The following SKI variants were observed in gnomAD, a reference collection of about 807,000 sequenced individuals.
The protein encoded by SKI is SKI proto-oncogene, also known as ski oncogene.
SKI carries 23 observed loss-of-function variants against 59.3 expected under a neutral mutation model. The observed-to-expected ratio is 0.39, with a 90% CI of 0.28 to 0.55. The LOEUF is 0.55. Among genes scored for constraint, SKI ranks in the 20% least tolerant of loss-of-function variants. The pLI is 0.67. For missense variants in SKI, 1,017 were observed against 1,038.9 expected (o/e 0.98, Z 0.29); for synonymous variants, 673 against 488.6 (o/e 1.38, Z -4.98).
At chr1:2,293,805 C>T (rs1467422254) in intron 1 of SKI, among the ~76,000 whole-genome samples, 1 of 152,204 alleles carries the variant, frequency 6.6e-6, no homozygotes, top group Non-Finnish European at 1.5e-5. Flanking sequence ...CCCGCTTCTT[C>T]AGCTGGCACC....
chr1:2,291,223 G>T (rs1241922478), intron 1 of SKI, among the ~76,000 whole-genome samples: 1 of 152,254 alleles, frequency 6.6e-6, no homozygotes, highest in Non-Finnish European at 1.5e-5. Flanking sequence ...CGGAGGAAAA[G>T]AACGATACAT....
intron 1 of SKI, among the ~76,000 whole-genome samples, chr1:2,298,044 A>G (rs1328437433): frequency 6.6e-6 from 1 of 152,164 alleles, no homozygotes; most frequent in African/African-American, 2.4e-5. Context: ...TGGGCCGAGC[A>G]TCCATGCAGG....
At chr1:2,257,387 C>T (rs154970) in intron 1 of SKI, among the ~76,000 whole-genome samples, 2,202 of 152,366 alleles carry the variant, frequency 0.014, 43 homozygotes, top group African/African-American at 0.051. Context: ...CTTATGCAGA[C>T]GTGCGGGCCA....
chr1:2,293,308 C>T (rs1640207218), intron 1 of SKI, among the ~76,000 whole-genome samples: 1 of 152,144 alleles, frequency 6.6e-6, no homozygotes, highest in African/African-American at 2.4e-5. Context: ...GGGTGGCTGC[C>T]CTGTGTGCTC....
chr1:2,279,974 G>A (rs1193781084), intron 1 of SKI, among the ~76,000 whole-genome samples: 1 of 152,094 alleles, frequency 6.6e-6, no homozygotes, highest in East Asian at 1.9e-4. Context: ...GTTAAATTGG[G>A]CCCCACCCCC....
chr1:2,276,284 A>C (rs1569789394), intron 1 of SKI, among the ~76,000 whole-genome samples: 2 of 142,630 alleles, frequency 1.4e-5, no homozygotes, highest in African/African-American at 5.3e-5. Flanking sequence ...TGGCTACCCC[A>C]GGTGGCTCCA....
Position 2,297,720 on chromosome 1 carries a change from C to T in SKI, c.970-5258C>T, listed in dbSNP as rs370201582. 3.6e-3 allele frequency among the ~76,000 whole-genome samples: 548 copies of T among 152,388 alleles called. 2 individuals are homozygous for T. The highest frequency in any genetic ancestry group is 0.012 in the African/African-American group (518 of 41,600). ...CATCTGCGTCTGCAGGACTTCCCGG[C>T]CCTTGGCCGCACATTTCCCTCCAGT... On this transcript the variant is annotated intron_variant, in intron 1 of 6. Coordinates refer to ENST00000378536, the MANE Select transcript of SKI (RefSeq NM_003036.4).
chr1:2,251,068 G>C (rs574493405), intron 1 of SKI, among the ~76,000 whole-genome samples: 1 of 152,200 alleles, frequency 6.6e-6, no homozygotes, highest in African/African-American at 2.4e-5. Context: ...TGGTGAGTCT[G>C]CTTGTCTTAG....
At position 2,309,523 on chromosome 1, in the gene SKI, T is replaced by C. The variant is rs1450831734; in HGVS notation, c.*2758T>C. On this transcript the variant is annotated 3_prime_UTR_variant, in exon 7 of 7. Transcript: ENST00000378536. ...CTGGGTCCTTTTTCAGAAACTCTTT[T>C]CTTACCTGAGAGTTGTCTTGTTTTC... The C allele has an allele frequency of 6.6e-6, 1 of 152,160 alleles. No homozygotes were observed. Among genetic ancestry groups the C allele is most frequent in the Non-Finnish European group, 1.5e-5 (1 of 68,034 alleles). The allele number at this position is 152,160 out of a possible 1,614,324, so 9.4% of individuals were successfully genotyped here.
At position 2,303,418 on chromosome 1, in the gene SKI, A is replaced by G; in HGVS notation, c.1211+18A>G. 1 of 1,599,420 alleles carries G rather than the reference A, an allele frequency of 6.3e-7. No homozygotes were observed. The highest frequency in any genetic ancestry group is 8.6e-7 in the Non-Finnish European group (1 of 1,168,774). ...CGAGACAGGTGAGTGGGCGCCATTC[A>G]CAGGTGTTTCTGATCACGGGGGAGG... On this transcript the variant is annotated intron_variant, in intron 3 of 6. Transcript: ENST00000378536. This position sits in a 1 kb window ranked among gnomAD's most constrained non-coding sequence, Gnocchi z 5.6.
chr1:2,272,716 G>C (rs1205975427), intron 1 of SKI, among the ~76,000 whole-genome samples: 1 of 152,236 alleles, frequency 6.6e-6, no homozygotes, highest in Non-Finnish European at 1.5e-5. Flanking sequence ...AAAACTCCCT[G>C]TTGAGGCCTT....
At chr1:2,276,636 C>T (rs1283515449) in intron 1 of SKI, among the ~76,000 whole-genome samples, 1 of 152,240 alleles carries the variant, frequency 6.6e-6, no homozygotes, top group African/African-American at 2.4e-5. Context: ...TGGCAGGGCT[C>T]ACTGTGTGGG....
rs779029926 is a variant in SKI at position 2,303,152 on chromosome 1, TCTC to T, written c.1095+52_1095+54del. On this transcript the variant is annotated intron_variant, in intron 2 of 6. Coordinates refer to ENST00000378536, the MANE Select transcript of SKI (RefSeq NM_003036.4). The surrounding 1 kb of genome is among the most constrained non-coding windows in gnomAD (Gnocchi z 5.6). ...CTTGGGGTGGTGGGTACTGGGCCCT[TCTC>T]CTTGGGCAGACCCAGCGGCTGGCAG... is the stretch of plus-strand genomic sequence containing the variant. 2 of 1,610,830 alleles carry T rather than the reference TCTC, an allele frequency of 1.2e-6. No homozygotes were observed. Among genetic ancestry groups the T allele is most frequent in the Non-Finnish European group, 1.7e-6 (2 of 1,178,650 alleles).
chr1:2,250,049 C>T (rs750359739), intron 1 of SKI, among the ~76,000 whole-genome samples: 20 of 152,158 alleles, frequency 1.3e-4, no homozygotes, highest in Non-Finnish European at 1.8e-4. Context: ...GGATTACAGG[C>T]GCCCGCCCAC....
intron 1 of SKI, among the ~76,000 whole-genome samples, chr1:2,294,770 A>G (rs1640246300): frequency 6.6e-6 from 1 of 152,022 alleles, no homozygotes; most frequent in Non-Finnish European, 1.5e-5. Context: ...CTGCTCTCCC[A>G]GGGCCCTCAG....
intron 1 of SKI, among the ~76,000 whole-genome samples, chr1:2,286,486 C>T (rs749496244): frequency 1.3e-5 from 2 of 152,150 alleles, no homozygotes; most frequent in East Asian, 1.9e-4. Context: ...CAGAGTGAGA[C>T]CTTGTCTCTT....
At chr1:2,266,957 G>T (rs1639512437) in intron 1 of SKI, among the ~76,000 whole-genome samples, 1 of 152,142 alleles carries the variant, frequency 6.6e-6, no homozygotes, top group African/African-American at 2.4e-5. Flanking sequence ...AGGAAGGTGG[G>T]CAAATCACGC....
chr1:2,304,583 C>T lies in SKI; in HGVS notation c.1765C>T (p.Gln589Ter). ...CCTGCAGGCCAAGCGCAGCCTCCAC[C>T]AGGTGAGCGGGGCGAGTGGTGCTGG... ...AALQAKRSLHQELEFLRVAKK... is the reference protein window; with the variant it reads ...AALQAKRSLH The change falls in exon 5 of 7, where the codon CAG becomes TAG. Residue 589 changes from glutamine (Q) to a stop codon, truncating the protein, a stop_gained and splice_region_variant. Coordinates refer to ENST00000378536, the MANE Select transcript of SKI (RefSeq NM_003036.4). LOFTEE classifies it high-confidence loss of function. 1 of 1,551,564 alleles carries T rather than the reference C, an allele frequency of 6.4e-7. No individual in the cohort carries two copies. The highest frequency in any genetic ancestry group is 2.4e-5 in the East Asian group (1 of 41,128).
At position 2,240,321 on chromosome 1, in the gene SKI, G is replaced by A. The variant is rs145476302; in HGVS notation, c.969+10586G>A. 3.8e-4 allele frequency among the ~76,000 whole-genome samples: 58 copies of A among 152,366 alleles called. 2 individuals carry two copies. The East Asian group carries it at 0.011, about 28-fold the overall frequency. ...GAGAAGTCAGGGAGGAGGGAGTCCT[G>A]GGCCTGGAGGAACGTGGGAGGGGCA... On this transcript the variant is annotated intron_variant, in intron 1 of 6. Coordinates refer to ENST00000378536, the MANE Select transcript of SKI (RefSeq NM_003036.4).
Sources: allele counts gnomAD v4.1 joint callset (sites outside exome capture counted in the v4.1 genomes callset), GRCh38; gene constraint gnomAD v4.1.1; non-coding constraint Gnocchi (gnomAD v3.1); transcripts MANE v1.5; gene names NCBI Gene and HGNC (gene_info 2026-07-23, HGNC 2026-07-21).